MYH7B: variants seen among roughly 807,000 people sequenced by gnomAD.
The protein encoded by MYH7B is myosin heavy chain 7B.
A neutral mutation model predicts 234.5 loss-of-function variants in MYH7B; 205 were observed. That is an observed-to-expected ratio of 0.87 (90% CI 0.78 to 0.98). The LOEUF (loss-of-function observed/expected upper bound fraction) is 0.98, where lower values mean the gene tolerates loss of function less well. MYH7B is among the 50% of genes least tolerant of loss of function. The pLI is 0.00. For missense variants in MYH7B, 2,652 were observed against 2,633.4 expected (o/e 1.01, Z -0.15); for synonymous variants, 1,193 against 1,105.0 (o/e 1.08, Z -1.58).
intron 43 of MYH7B, 127 bp downstream of exon 43, chr20:35,001,653 T>G: frequency 1.1e-6 from 1 of 877,232 alleles, no homozygotes; most frequent in African/African-American, 1.7e-5. Context: ...AGAGAGAAGC[T>G]TCTAACATCT....
At chr20:34,977,936 C>T in exon 5 of MYH7B, 1 of 1,613,588 alleles carries the variant, frequency 6.2e-7, no homozygotes, top group East Asian at 2.2e-5. Context: ...TCTTCCAGTG[C>T]CTGCTGCCTT....
intron 3 of MYH7B, 43 bp from the exon 4 acceptor site, chr20:34,977,589 C>G (rs202139552): frequency 6.4e-7 from 1 of 1,556,244 alleles, no homozygotes; most frequent in African/African-American, 1.3e-5. Context: ...GGCTGTGACA[C>G]GTGGAGATTG....
Position 35,000,976 on chromosome 20 carries a change from C to G in MYH7B, c.5305-12C>G. The G allele has an allele frequency of 6.2e-7, 1 of 1,613,690 alleles. No homozygotes were observed. Among genetic ancestry groups the G allele is most frequent in the Admixed American group, 1.7e-5 (1 of 60,012 alleles). On this transcript the variant is annotated splice_polypyrimidine_tract_variant and intron_variant, in intron 40 of 44. Coordinates refer to ENST00000262873, the Ensembl canonical transcript of MYH7B. ...GAGGCTGGGCACCTGACCAGCTCCT[C>G]CTCCCCAACAGGCGGCCATGATGGC...
chr20:34,997,447 T>C, exon 32 of MYH7B: 1 of 1,480,666 alleles, frequency 6.8e-7, no homozygotes, highest in South Asian at 1.3e-5. Flanking sequence ...CGGCGGGAGC[T>C]GGAGGAGGCG....
rs67885143 is a variant in MYH7B at position 35,000,895 on chromosome 20, TGAGGCTGGGCAAGGGCTGTGGG to T, written c.5304+6_5304+27del. 0.19 allele frequency: 303,862 copies of T among 1,612,076 alleles called. 29,832 individuals carry two copies. The highest frequency in any genetic ancestry group is 0.32 in the Middle Eastern group (1,953 of 6,012). Reference sequence around the variant, plus strand: ...AAGGCCAAAAAGGCCATCACTGATGTGAGGCTGGGCAAGGGCTGTGGGGAGCCTGGGACAGAATTGCAGAGGG... The same window carrying T: ...AAGGCCAAAAAGGCCATCACTGATGTGAGCCTGGGACAGAATTGCAGAGGG... On this transcript the variant is annotated splice_donor_5th_base_variant and intron_variant, in intron 40 of 44. Coordinates refer to ENST00000262873, the Ensembl canonical transcript of MYH7B.
chr20:34,974,442 G>C (rs543265731), intron 2 of MYH7B, among the ~76,000 whole-genome samples: 2 of 152,068 alleles, frequency 1.3e-5, no homozygotes, highest in Non-Finnish European at 2.9e-5. Flanking sequence ...TCCTCTTTGC[G>C]TTGTCATGTT....
chr20:34,995,133 A>G (rs573490693), intron 27 of MYH7B, among the ~76,000 whole-genome samples: 2 of 152,338 alleles, frequency 1.3e-5, no homozygotes, highest in South Asian at 2.1e-4. Flanking sequence ...CCGCACTTCT[A>G]ACTTTCCCCT....
chr20:34,977,512 G>C, intron 3 of MYH7B, 120 bp from the exon 4 acceptor site: 1 of 886,196 alleles, frequency 1.1e-6, no homozygotes, highest in Non-Finnish European at 1.8e-6. Flanking sequence ...GGTAAAAATA[G>C]CCCAGGGGCC....
Position 34,987,751 on chromosome 20 carries a change from C to T in MYH7B, c.1267-14C>T, listed in dbSNP as rs1311160844. On this transcript the variant is annotated splice_polypyrimidine_tract_variant and intron_variant, in intron 17 of 44. Coordinates refer to ENST00000262873, the Ensembl canonical transcript of MYH7B. ...TCCTTGCCAGGTCCCAGCCCAGCCT[C>T]CCTGCACCTCCAGGTGGTGTTTGCT... 6.2e-7 allele frequency: 1 copy of T among 1,614,124 alleles called. No homozygotes were observed. Among genetic ancestry groups the T allele is most frequent in the Non-Finnish European group, 8.5e-7 (1 of 1,179,988 alleles).
chr20:34,980,589 C>T, exon 8 of MYH7B: 1 of 1,613,922 alleles, frequency 6.2e-7, no homozygotes. Context: ...CCTACTCAGG[C>T]CTCTTCTGTG....
At chr20:34,976,608 C>T (rs2081856872) in intron 3 of MYH7B, among the ~76,000 whole-genome samples, 1 of 152,194 alleles carries the variant, frequency 6.6e-6, no homozygotes, top group South Asian at 2.1e-4. Flanking sequence ...TGTGAATCTT[C>T]AATGTGGGGA....
At chr20:34,979,227 CCTGAG>C (rs1215291668) in intron 5 of MYH7B, among the ~76,000 whole-genome samples, 158 bp from the exon 6 acceptor site, 1 of 152,182 alleles carries the variant, frequency 6.6e-6, no homozygotes, top group Non-Finnish European at 1.5e-5. Flanking sequence ...CTCCGCCCTT[CCTGAG>C]CCTGGGTTTG....
chr20:34,985,859 CCA>C (rs2082011325), intron 13 of MYH7B, among the ~76,000 whole-genome samples: 1 of 152,102 alleles, frequency 6.6e-6, no homozygotes, highest in East Asian at 1.9e-4. Flanking sequence ...CACACTCACC[CCA>C]CACACACGCA....
chr20:34,980,080 A>G, intron 7 of MYH7B: 1 of 498,328 alleles, frequency 2.0e-6, no homozygotes. Flanking sequence ...CGGACTATGG[A>G]GGCCGTGCGT....
intron 5 of MYH7B, among the ~76,000 whole-genome samples, chr20:34,978,376 G>C (rs111562386): frequency 1.8e-4 from 27 of 152,186 alleles, no homozygotes; most frequent in African/African-American, 5.8e-4. Context: ...ACTCAGGCTG[G>C]AGCCCGAGGC....
chr20:34,996,803 C>A, intron 30 of MYH7B, 45 bp downstream of exon 30: 1 of 1,584,900 alleles, frequency 6.3e-7, no homozygotes, highest in Admixed American at 1.8e-5. Flanking sequence ...GAGCCTGCAC[C>A]TGGCCCTTGT....
intron 2 of MYH7B, among the ~76,000 whole-genome samples, chr20:34,972,462 C>A (rs376101600): frequency 6.6e-6 from 1 of 152,054 alleles, no homozygotes; most frequent in Admixed American, 6.6e-5. Flanking sequence ...GTACACGTAC[C>A]CCATTACCCT....
rs1383031711 is a variant in MYH7B at position 34,988,082 on chromosome 20, C to G, written c.1417-10C>G. 6.2e-7 allele frequency: 1 copy of G among 1,608,858 alleles called. No homozygotes were observed. Among genetic ancestry groups the G allele is most frequent in the Non-Finnish European group, 8.5e-7 (1 of 1,176,788 alleles). On this transcript the variant is annotated splice_polypyrimidine_tract_variant and intron_variant, in intron 18 of 44. Transcript: ENST00000262873. ...AGAGGTCTGCTGAGCCAGGCCCCTC[C>G]CTCTTGTAGTTCAACAGCTTCGAAC...
intron 14 of MYH7B, among the ~76,000 whole-genome samples, chr20:34,986,579 A>G (rs1486455097): frequency 6.6e-6 from 1 of 152,142 alleles, no homozygotes; most frequent in East Asian, 1.9e-4. Flanking sequence ...TCTGGGCCAG[A>G]GGGGGCCATG....
Sources: gnomAD v4.1 joint callset for allele counts (sites outside exome capture counted in the v4.1 genomes callset) on GRCh38, gnomAD v4.1.1 for gene constraint, MANE v1.5 for transcripts, NCBI Gene and HGNC (gene_info 2026-07-23, HGNC 2026-07-21) for gene names.